RGS7: variants seen among roughly 807,000 people sequenced by gnomAD.
RGS7 encodes the protein regulator of G protein signaling 7, also known as regulator of G-protein signaling 7.
Under a neutral mutation model 81.1 loss-of-function variants are expected in RGS7, and 27 were observed. That is an observed-to-expected ratio of 0.33 (90% CI 0.25 to 0.46). The LOEUF (loss-of-function observed/expected upper bound fraction) is 0.46, where lower values mean the gene tolerates loss of function less well. RGS7 is among the 20% of genes least tolerant of loss of function. The pLI, the probability that RGS7 is intolerant of heterozygous loss-of-function variation, is 1.00. For synonymous variants in RGS7, 208 were observed against 207.7 expected, an observed-to-expected ratio of 1.00 and a Z score of -0.01; for missense variants, 396 against 607.4, an observed-to-expected ratio of 0.65 and a Z score of 3.66.
At chr1:241,285,543 C>T (rs535862234) in intron 2 of RGS7, among the ~76,000 whole-genome samples, 1 of 152,130 alleles carries the variant, frequency 6.6e-6, no homozygotes, top group Admixed American at 6.6e-5. Flanking sequence ...TCACAATAAC[C>T]TTTTAAAGTA....
rs114892210 is a variant in RGS7, at chr1:241,260,874, T to C, written c.78+94825A>G. Among the ~76,000 whole-genome samples, 48 of 136,398 alleles carry C rather than the reference T, an allele frequency of 3.5e-4. 1 individual carries two copies. The Middle Eastern group carries it at 0.012, about 35-fold the overall frequency. 89.5% of individuals were successfully genotyped at this position (136,398 alleles called of 152,430 possible). ...AAGGTGAGACTCCTCCCTAAGACAG[T>C]TTTTTCATGGACACAGGAAGAGGAA... On this transcript the variant is annotated intron_variant, in intron 2 of 18. Coordinates refer to ENST00000440928, the MANE Select transcript of RGS7 (RefSeq NM_001364886.1).
intron 2 of RGS7, among the ~76,000 whole-genome samples, chr1:241,302,225 G>A (rs1389763489): frequency 6.6e-6 from 1 of 152,182 alleles, no homozygotes; most frequent in Non-Finnish European, 1.5e-5. Context: ...CAAAGTGAAG[G>A]GGGAGGATCA....
Position 241,157,021 on chromosome 1 carries a change from T to G in RGS7, c.79-58259A>C, listed in dbSNP as rs79559943. On this transcript the variant is annotated intron_variant, in intron 2 of 18. Coordinates refer to ENST00000440928, the MANE Select transcript of RGS7 (RefSeq NM_001364886.1). ...TGCATATATTCATTACATACATATG[T>G]GTGAGTGTACATATATGTTTTAAAA... Among the ~76,000 whole-genome samples, 3 of 152,294 alleles carry G rather than the reference T, an allele frequency of 2.0e-5. No individual in the cohort carries two copies. The East Asian group carries it at 5.8e-4, about 29-fold the overall frequency.
chr1:241,060,390 C>T (rs1345674639), intron 3 of RGS7, among the ~76,000 whole-genome samples: 1 of 152,144 alleles, frequency 6.6e-6, no homozygotes, highest in Non-Finnish European at 1.5e-5. Flanking sequence ...CCAAGTAATG[C>T]TTGACAGACA....
In RGS7 at chr1:240,970,974, G is replaced by T. The variant is rs1354299263; in HGVS notation, c.226+12105C>A. On this transcript the variant is annotated intron_variant, in intron 4 of 18. Coordinates refer to ENST00000440928, the MANE Select transcript of RGS7 (RefSeq NM_001364886.1). The stretch of plus-strand genomic sequence containing the variant: ...AGCCTGCATGATACAGGGAGATTCC[G>T]TCTCAAAACAAAATAAAATAAATAA... Among the ~76,000 whole-genome samples, 4 of 152,078 alleles carry T rather than the reference G, an allele frequency of 2.6e-5. No homozygotes were observed. The South Asian group carries it at 8.3e-4, about 32-fold the overall frequency.
At chr1:240,823,953 G>A (rs189806687) in intron 10 of RGS7, among the ~76,000 whole-genome samples, 216 of 152,084 alleles carry the variant, frequency 1.4e-3, no homozygotes, top group African/African-American at 4.9e-3. Context: ...CTTAGATTAG[G>A]CTGATTTCTT....
At chr1:240,778,616 T>C (rs1382431765) in intron 18 of RGS7, among the ~76,000 whole-genome samples, 13 of 151,862 alleles carry the variant, frequency 8.6e-5, no homozygotes, top group Admixed American at 8.5e-4. Flanking sequence ...CACTGCAACC[T>C]GCACCTCCCG....
chr1:240,806,416 C>T (rs748623163), intron 14 of RGS7, 90 bp from the exon 15 acceptor site: 39 of 1,241,150 alleles, frequency 3.1e-5, no homozygotes, highest in Middle Eastern at 2.0e-4. Context: ...TTCATCATGA[C>T]GACTCACAGC....
chr1:241,321,935 C>A (rs2081237180), intron 2 of RGS7, among the ~76,000 whole-genome samples: 1 of 152,142 alleles, frequency 6.6e-6, no homozygotes, highest in Non-Finnish European at 1.5e-5. Flanking sequence ...AACCACATGT[C>A]CCTTGCAAAA....
intron 6 of RGS7, among the ~76,000 whole-genome samples, chr1:240,895,091 C>T (rs373574320): frequency 1.3e-5 from 2 of 151,846 alleles, no homozygotes. Flanking sequence ...GTGGCCCTTC[C>T]CCCTCACTCT....
chr1:241,309,571 A>T (rs1017883938), intron 2 of RGS7, among the ~76,000 whole-genome samples: 8 of 152,168 alleles, frequency 5.3e-5, no homozygotes, highest in African/African-American at 1.9e-4. Flanking sequence ...CAGGCATCTG[A>T]CATTTGCCAC....
At chr1:241,017,623 T>C (rs887484023) in intron 3 of RGS7, among the ~76,000 whole-genome samples, 3 of 152,244 alleles carry the variant, frequency 2.0e-5, no homozygotes, top group African/African-American at 4.8e-5. Flanking sequence ...ACTTCAAAGA[T>C]TTTTCTCCAT....
chr1:240,849,463 T>A (rs1354676008), intron 9 of RGS7, among the ~76,000 whole-genome samples: 1 of 152,204 alleles, frequency 6.6e-6, no homozygotes, highest in Non-Finnish European at 1.5e-5. Flanking sequence ...TCCTTATTTA[T>A]GAAATGAGGA....
At chr1:240,950,275 T>C (rs944642733) in intron 4 of RGS7, among the ~76,000 whole-genome samples, 2 of 152,066 alleles carry the variant, frequency 1.3e-5, no homozygotes, top group African/African-American at 4.8e-5. Flanking sequence ...CCAAGAAAGA[T>C]CCCTCATGGC....
At chr1:241,008,951 A>T (rs2058822500) in intron 3 of RGS7, among the ~76,000 whole-genome samples, 1 of 151,200 alleles carries the variant, frequency 6.6e-6, no homozygotes, top group Admixed American at 6.6e-5. Context: ...TGTGATTATG[A>T]CATTCAGTCA....
chr1:240,779,581 C>T (rs1028885266), intron 18 of RGS7, among the ~76,000 whole-genome samples: 8 of 152,166 alleles, frequency 5.3e-5, no homozygotes, highest in African/African-American at 1.7e-4. Context: ...CTGCCAGCAT[C>T]TTGATCTTGG....
intron 2 of RGS7, among the ~76,000 whole-genome samples, chr1:241,302,143 G>A (rs1297653431): frequency 6.6e-6 from 1 of 152,224 alleles, no homozygotes; most frequent in Non-Finnish European, 1.5e-5. Flanking sequence ...AGCAGAGACA[G>A]CAGCCAGCGT....
At chr1:241,150,476 C>A (rs1450593763) in intron 2 of RGS7, among the ~76,000 whole-genome samples, 1 of 152,076 alleles carries the variant, frequency 6.6e-6, no homozygotes, top group Non-Finnish European at 1.5e-5. Context: ...GGATATAAAT[C>A]TGATATGTAT....
intron 2 of RGS7, among the ~76,000 whole-genome samples, chr1:241,160,914 TG>T (rs1449570768): frequency 6.6e-6 from 1 of 152,126 alleles, no homozygotes; most frequent in Non-Finnish European, 1.5e-5. Context: ...TGCATTTTAC[TG>T]GTGTGAAATC....
Sources: gnomAD v4.1 joint callset for allele counts (sites outside exome capture counted in the v4.1 genomes callset) on GRCh38, gnomAD v4.1.1 for gene constraint, MANE v1.5 for transcripts, NCBI Gene and HGNC (gene_info 2026-07-23, HGNC 2026-07-21) for gene names.